TENM2: variants seen among roughly 807,000 people sequenced by gnomAD.
TENM2 encodes the protein teneurin transmembrane protein 2, also known as teneurin-2.
In TENM2, 52 loss-of-function variants were observed where a neutral mutation model predicts 245.2. The ratio of observed to expected loss-of-function variants is 0.21; its 90% CI spans 0.17 to 0.27. TENM2 has a LOEUF of 0.27. Among genes scored for constraint, TENM2 ranks in the 10% least tolerant of loss-of-function variants. The pLI, the probability that TENM2 is intolerant of heterozygous loss-of-function variation, is 1.00. For missense variants in TENM2, 3,046 were observed against 3,666.8 expected, an observed-to-expected ratio of 0.83 and a Z score of 4.37; for synonymous variants, 1,363 against 1,438.9, an observed-to-expected ratio of 0.95 and a Z score of 1.19.
At chr5:167,603,779 A>G (rs1338443931) in intron 2 of TENM2, among the ~76,000 whole-genome samples, 4 of 152,236 alleles carry the variant, frequency 2.6e-5, no homozygotes, top group Non-Finnish European at 5.9e-5. Flanking sequence ...AGTTGAGGAG[A>G]CAGGAAGTAC....
chr5:167,623,149 T>C (rs1778281895), intron 2 of TENM2, among the ~76,000 whole-genome samples: 1 of 152,154 alleles, frequency 6.6e-6, no homozygotes, highest in African/African-American at 2.4e-5. Context: ...AGGGCTGCTA[T>C]TTTTTGTTTC....
chr5:167,012,770 CT>C, the TENM2 span, among the ~76,000 whole-genome samples: 3 of 152,192 alleles, frequency 2.0e-5, no homozygotes, highest in East Asian at 1.9e-4. Flanking sequence ...TTAGGGGGAC[CT>C]TTTTTTCCAC....
intron 2 of TENM2, among the ~76,000 whole-genome samples, chr5:167,469,937 G>T (rs1197634446): frequency 6.6e-6 from 1 of 152,050 alleles, no homozygotes; most frequent in Non-Finnish European, 1.5e-5. Context: ...CATGTTAGTA[G>T]TGTCCACTAT....
intron 2 of TENM2, among the ~76,000 whole-genome samples, chr5:167,746,710 A>AGAGAGAGAGAGAGAGAGAGCGAGCGAGC (rs761614775): frequency 2.8e-5 from 4 of 144,860 alleles, no homozygotes; most frequent in Non-Finnish European, 4.5e-5. Flanking sequence ...AGAGAGAGAG[A>AGAGAGAGAGAGAGAGAGAGCGAGCGAGC]GAGAGCTGGA....
exon 10 of TENM2, chr5:168,118,340 C>A: frequency 6.2e-7 from 1 of 1,609,774 alleles, no homozygotes; most frequent in East Asian, 2.2e-5. Flanking sequence ...TCTAAAGGGA[C>A]GTGCCAGTGC....
At chr5:167,272,359 C>A in the TENM2 span, among the ~76,000 whole-genome samples, 2 of 152,152 alleles carry the variant, frequency 1.3e-5, no homozygotes, top group Admixed American at 6.6e-5. Flanking sequence ...TTATCCATTA[C>A]ATTTTCTTAA....
chr5:168,185,953 TATATATATATA>T, intron 13 of TENM2, among the ~76,000 whole-genome samples: 1 of 4,248 alleles, frequency 2.4e-4, no homozygotes, highest in Non-Finnish European at 3.8e-4. Flanking sequence ...TATATATATA[TATATATATATA>T]TTTGAATTTA....
intron 2 of TENM2, among the ~76,000 whole-genome samples, chr5:167,790,878 A>G (rs1433759950): frequency 1.3e-5 from 2 of 152,218 alleles, no homozygotes; most frequent in African/African-American, 4.8e-5. Flanking sequence ...TTCTACATTG[A>G]ATACAAAATG....
chr5:168,006,608 C>T (rs1784838905), intron 5 of TENM2, among the ~76,000 whole-genome samples: 1 of 152,154 alleles, frequency 6.6e-6, no homozygotes, highest in South Asian at 2.1e-4. Context: ...AGGCACAAGG[C>T]TCTTCAGTAT....
At chr5:168,195,551 C>CGTGTGTGTGTGT (rs35040257) in intron 15 of TENM2, among the ~76,000 whole-genome samples, 4 of 98,126 alleles carry the variant, frequency 4.1e-5, no homozygotes, top group Non-Finnish European at 6.3e-5. Context: ...GGTCAATGCA[C>CGTGTGTGTGTGT]GTGTGTGTGT....
chr5:167,375,404 T>G (rs1241446035), exon 2 of TENM2: 1 of 1,551,688 alleles, frequency 6.4e-7, no homozygotes, highest in Admixed American at 2.0e-5. Flanking sequence ...TTCCGGCCTG[T>G]CCAGTCGTGA....
chr5:167,109,164 G>A, the TENM2 span, among the ~76,000 whole-genome samples: 1 of 151,776 alleles, frequency 6.6e-6, no homozygotes, highest in Non-Finnish European at 1.5e-5. Context: ...TTAGAAAATA[G>A]TAAGGCACTA....
intron 5 of TENM2, among the ~76,000 whole-genome samples, chr5:168,002,508 G>A (rs182005091): frequency 6.6e-6 from 1 of 152,290 alleles, no homozygotes; most frequent in African/African-American, 2.4e-5. Flanking sequence ...AAACAAGATG[G>A]CATCTTTCAA....
chr5:167,826,364 C>T (rs10056158), intron 2 of TENM2, among the ~76,000 whole-genome samples: 7,134 of 152,210 alleles, frequency 0.047, 537 homozygotes, highest in African/African-American at 0.16. Context: ...ATGGATTTCA[C>T]TATATTTTTG....
intron 2 of TENM2, among the ~76,000 whole-genome samples, chr5:167,456,344 A>G (rs749972336): frequency 6.6e-6 from 1 of 152,216 alleles, no homozygotes; most frequent in Non-Finnish European, 1.5e-5. Context: ...GTTTTATTCT[A>G]TAGCAGGAAT....
chr5:167,580,855 GGCGCAA>G (rs1775041233), intron 2 of TENM2, among the ~76,000 whole-genome samples: 6 of 152,216 alleles, frequency 3.9e-5, no homozygotes, highest in Admixed American at 1.3e-4. Context: ...CGGGCGTGGT[GGCGCAA>G]GCTTGTAATA....
At chr5:167,536,815 T>G (rs1409435330) in intron 2 of TENM2, among the ~76,000 whole-genome samples, 1 of 152,078 alleles carries the variant, frequency 6.6e-6, no homozygotes, top group Non-Finnish European at 1.5e-5. Flanking sequence ...GTCAGGAGTT[T>G]GAGACCAGCC....
chr5:167,003,101 A>C, the TENM2 span, among the ~76,000 whole-genome samples: 3 of 152,190 alleles, frequency 2.0e-5, no homozygotes, highest in Admixed American at 1.3e-4. Flanking sequence ...ATATCTGAAA[A>C]GCTCAAATCT....
At chr5:167,345,007 G>C (rs1427008440) in intron 1 of TENM2, among the ~76,000 whole-genome samples, 1 of 152,194 alleles carries the variant, frequency 6.6e-6, no homozygotes, top group African/African-American at 2.4e-5. Flanking sequence ...AGAAGGCAGA[G>C]AGAGAATCTC....
Sources: allele counts gnomAD v4.1 joint callset (sites outside exome capture counted in the v4.1 genomes callset), GRCh38; gene constraint gnomAD v4.1.1; transcripts MANE v1.5; gene names NCBI Gene and HGNC (gene_info 2026-07-23, HGNC 2026-07-21).